Variants in KLHL1 observed in about 807,000 individuals in gnomAD.
The protein encoded by KLHL1 is kelch-like protein 1.
In KLHL1, 47 loss-of-function variants were observed where a neutral mutation model predicts 77.7. The ratio of observed to expected loss-of-function variants is 0.60; its 90% confidence interval spans 0.48 to 0.77. The LOEUF (loss-of-function observed/expected upper bound fraction) is 0.77. Ranked by LOEUF, KLHL1 falls within the 30% of genes least tolerant of loss-of-function variation. The pLI, the probability that KLHL1 is intolerant of heterozygous loss-of-function variation, is 0.00. For missense variants in KLHL1, 925 were observed against 910.8 expected (o/e 1.02, Z -0.20); for synonymous variants, 360 against 325.2 (o/e 1.11, Z -1.15).
chr13:69,779,376 CCCTCTCCTCCCCTGT>C (rs891807279), intron 7 of KLHL1, among the ~76,000 whole-genome samples: 2 of 150,288 alleles, frequency 1.3e-5, no homozygotes, highest in Admixed American at 6.6e-5. Flanking sequence ...TCCTCCCCTC[CCCTCTCCTCCCCTGT>C]CCTCCCCTCT....
rs765614611 is a variant in KLHL1, at chr13:69,975,821, C to T, written c.498-19G>A. On this transcript the variant is annotated intron_variant, in intron 1 of 10. Transcript: ENST00000377844. ...TGACAGCCTATAAACCACACACACA[C>T]ACACACACACACAAAATAATAAAGG... 1.3e-6 allele frequency: 2 copies of T among 1,537,246 alleles called. No individual in the cohort carries two copies. Among genetic ancestry groups the T allele is most frequent in the Non-Finnish European group, 8.7e-7 (1 of 1,149,920 alleles).
intron 4 of KLHL1, among the ~76,000 whole-genome samples, chr13:69,922,720 A>G (rs1566405432): frequency 6.6e-6 from 1 of 152,200 alleles, no homozygotes; most frequent in Non-Finnish European, 1.5e-5. Context: ...TACAAAGAAC[A>G]AATTTACAGA....
At chr13:69,994,648 G>T (rs775218185) in intron 1 of KLHL1, among the ~76,000 whole-genome samples, 2 of 152,044 alleles carry the variant, frequency 1.3e-5, no homozygotes, top group Non-Finnish European at 2.9e-5. Flanking sequence ...GATTCAAAGG[G>T]TATCAGATTA....
chr13:70,049,237 TG>T (rs1886574499), intron 1 of KLHL1, among the ~76,000 whole-genome samples: 1 of 151,920 alleles, frequency 6.6e-6, no homozygotes, highest in African/African-American at 2.4e-5. Context: ...TAGAACTAAA[TG>T]AAAAAAAAAT....
rs145331399 is a variant in KLHL1 at position 69,803,617 on chromosome 13, G to A, written c.1415-6655C>T. ...ATAATATCTCGCTGGCCTTGATGAC[G>A]TGATCCCCTGAAAGTGAGAGATTTT... On this transcript the variant is annotated intron_variant, in intron 6 of 10. Coordinates refer to ENST00000377844, the MANE Select transcript of KLHL1 (RefSeq NM_020866.3). 1.0e-3 allele frequency among the ~76,000 whole-genome samples: 153 copies of A among 152,280 alleles called. 1 individual carries two copies. The highest frequency in any genetic ancestry group is 3.2e-3 in the African/African-American group (134 of 41,564).
chr13:69,951,026 A>T (rs1883691397), intron 3 of KLHL1, among the ~76,000 whole-genome samples: 1 of 151,738 alleles, frequency 6.6e-6, no homozygotes, highest in South Asian at 2.1e-4. Context: ...ATATATCAAC[A>T]CCTGTGTTTA....
intron 6 of KLHL1, among the ~76,000 whole-genome samples, chr13:69,797,525 G>A (rs1877164967): frequency 1.3e-5 from 2 of 152,006 alleles, no homozygotes; most frequent in South Asian, 4.2e-4. Context: ...ATAATCTGGG[G>A]AAGAGCTTAG....
In KLHL1 at chr13:69,742,835, T is replaced by C. The variant is rs576258755; in HGVS notation, c.1640-2279A>G. Among the ~76,000 whole-genome samples the C allele has an allele frequency of 7.2e-5, 11 of 152,274 alleles. No individual in the cohort carries two copies. In the East Asian group the frequency reaches 2.1e-3, roughly 29 times the overall value. ...TAAACTTCAAATCTTGTTCTTTCAT[T>C]AGGTAGCTTGACATAGGAAATGGGG... On this transcript the variant is annotated intron_variant, in intron 7 of 10. Transcript: ENST00000377844.
intron 6 of KLHL1, among the ~76,000 whole-genome samples, chr13:69,830,537 C>G: frequency 6.7e-6 from 1 of 150,208 alleles, no homozygotes; most frequent in African/African-American, 2.5e-5. Flanking sequence ...ACTAGACCGT[C>G]ATCAAGACAG....
intron 4 of KLHL1, among the ~76,000 whole-genome samples, chr13:69,916,412 A>G (rs1408039049): frequency 6.6e-6 from 1 of 152,132 alleles, no homozygotes; most frequent in Non-Finnish European, 1.5e-5. Flanking sequence ...ATGCAGCCAT[A>G]AAAAATGATG....
intron 4 of KLHL1, among the ~76,000 whole-genome samples, chr13:69,888,074 G>T (rs1354095677): frequency 6.6e-6 from 1 of 152,034 alleles, no homozygotes; most frequent in Non-Finnish European, 1.5e-5. Flanking sequence ...CAACATCAAG[G>T]CACCATCAGA....
chr13:69,735,530 T>A (rs1873729066), intron 8 of KLHL1, among the ~76,000 whole-genome samples: 1 of 149,408 alleles, frequency 6.7e-6, no homozygotes, highest in African/African-American at 2.4e-5. Flanking sequence ...TCTTTTATAA[T>A]TTAATTATGT....
chr13:69,881,467 T>C (rs1880985555), intron 5 of KLHL1, among the ~76,000 whole-genome samples: 1 of 152,178 alleles, frequency 6.6e-6, no homozygotes, highest in African/African-American at 2.4e-5. Flanking sequence ...ACACAAATTA[T>C]ATATACAAAC....
In KLHL1 at chr13:70,002,739, A is replaced by G. The variant is rs897551895; in HGVS notation, c.498-26937T>C. ...TTCCATTAAAATAACTCGAGTCACT[A>G]CTTGATGTCATAAACTTCAAATATG... On this transcript the variant is annotated intron_variant, in intron 1 of 10. Transcript: ENST00000377844. Among the ~76,000 whole-genome samples, 3 of 151,638 alleles carry G rather than the reference A, an allele frequency of 2.0e-5. No homozygotes were observed. The Admixed American group carries it at 2.0e-4, about 10-fold the overall frequency.
intron 2 of KLHL1, among the ~76,000 whole-genome samples, chr13:69,966,963 T>G (rs1225794766): frequency 6.6e-6 from 1 of 152,170 alleles, no homozygotes; most frequent in Non-Finnish European, 1.5e-5. Context: ...AATGGCTGAA[T>G]AGTATTCCAT....
intron 7 of KLHL1, among the ~76,000 whole-genome samples, chr13:69,785,647 T>G (rs1251864798): frequency 6.9e-6 from 1 of 145,640 alleles, no homozygotes; most frequent in East Asian, 2.0e-4. Context: ...AGGCAAGAAA[T>G]GACTAAAATC....
At chr13:69,970,196 T>C (rs922978437) in intron 2 of KLHL1, among the ~76,000 whole-genome samples, 1 of 152,148 alleles carries the variant, frequency 6.6e-6, no homozygotes, top group Non-Finnish European at 1.5e-5. Flanking sequence ...ACGGTGGTTG[T>C]AAACATAACC....
intron 8 of KLHL1, among the ~76,000 whole-genome samples, chr13:69,722,036 C>T (rs1215569407): frequency 6.6e-6 from 1 of 152,024 alleles, no homozygotes; most frequent in East Asian, 1.9e-4. Context: ...ATGGAATAAC[C>T]CTAAGATATT....
At chr13:69,916,933 A>T (rs1315371102) in intron 4 of KLHL1, among the ~76,000 whole-genome samples, 2 of 152,056 alleles carry the variant, frequency 1.3e-5, no homozygotes, top group Non-Finnish European at 2.9e-5. Context: ...AAGCAAAAAG[A>T]AAAACGTGCA....
Sources: gnomAD v4.1 joint callset for allele counts (sites outside exome capture counted in the v4.1 genomes callset) on GRCh38, gnomAD v4.1.1 for gene constraint, MANE v1.5 for transcripts, NCBI Gene and HGNC (gene_info 2026-07-23, HGNC 2026-07-21) for gene names.